Variants in SOD2 observed in about 807,000 individuals in gnomAD.
SOD2 encodes superoxide dismutase 2.
A neutral mutation model predicts 27.0 loss-of-function variants in SOD2; 11 were observed. That is an observed-to-expected ratio of 0.41 (90% CI 0.26 to 0.67). The LOEUF is 0.67. Ranked by LOEUF, SOD2 falls within the 30% of genes least tolerant of loss-of-function variation. The pLI, the probability that SOD2 is intolerant of heterozygous loss-of-function variation, is 0.34. For synonymous variants in SOD2, 105 were observed against 103.0 expected (o/e 1.02, Z -0.12); for missense variants, 250 against 274.5 (o/e 0.91, Z 0.63).
At position 159,681,770 on chromosome 6, in the gene SOD2, T is replaced by C. The variant is rs1779973112; in HGVS notation, c.*723A>G. 6.7e-6 allele frequency: 1 copy of C among 150,060 alleles called. No homozygotes were observed. Among genetic ancestry groups the C allele is most frequent in the African/African-American group, 2.5e-5 (1 of 40,012 alleles). 9.3% of individuals were successfully genotyped at this position (150,060 alleles called of 1,614,324 possible). On this transcript the variant is annotated 3_prime_UTR_variant, in exon 5 of 5. Coordinates refer to ENST00000538183, the MANE Select transcript of SOD2 (RefSeq NM_000636.4). ...ACCACTGCCTTTAAATACTCTAGCTTGTAGGTCATCATGGAGATTGGGTCT... is the reference window on the plus strand; with the variant it reads ...ACCACTGCCTTTAAATACTCTAGCTCGTAGGTCATCATGGAGATTGGGTCT...
intron 1 of SOD2, among the ~76,000 whole-genome samples, chr6:159,720,174 A>G (rs2842965): frequency 0.76 from 115,676 of 151,544 alleles, 44,532 homozygotes; most frequent in South Asian, 0.85. Context: ...GGGATTACAG[A>G]CGCCCGCCAC....
rs760314863 is a variant in SOD2, at chr6:159,681,323, G to A, written c.*1170C>T. On this transcript the variant is annotated 3_prime_UTR_variant, in exon 5 of 5. Transcript: ENST00000538183. Reference sequence around the variant, plus strand: ...TTTCAAACAATAGCCAGGGAAGTTAGAGTCACCTAGAGACATCCTTAACAC... The same window carrying A: ...TTTCAAACAATAGCCAGGGAAGTTAAAGTCACCTAGAGACATCCTTAACAC... 10 of 152,028 alleles carry A rather than the reference G, an allele frequency of 6.6e-5. No individual in the cohort carries two copies. The highest frequency in any genetic ancestry group is 2.0e-4 in the Admixed American group (3 of 15,244). 9.4% of individuals were successfully genotyped at this position (152,028 alleles called of 1,614,324 possible).
At chr6:159,698,099 T>C (rs1777457323), upstream of SOD2, among the ~76,000 whole-genome samples, 1 of 152,064 alleles carries the variant, frequency 6.6e-6, no homozygotes, top group Admixed American at 6.6e-5. Flanking sequence ...ATGGTGAAAC[T>C]CTGTCTTTAC....
chr6:159,750,729 AATTT>A (rs1779787668), intron 1 of SOD2, among the ~76,000 whole-genome samples: 1 of 152,200 alleles, frequency 6.6e-6, no homozygotes, highest in East Asian at 1.9e-4. Context: ...AAGGAATCAT[AATTT>A]ATTTGAATCA....
chr6:159,753,239 G>C (rs1360359101), intron 1 of SOD2: 3 of 568,128 alleles, frequency 5.3e-6, no homozygotes, highest in Non-Finnish European at 9.3e-6. Flanking sequence ...AGGTGTAGCT[G>C]TTTGGGCACT....
intron 1 of SOD2, among the ~76,000 whole-genome samples, chr6:159,701,416 C>T (rs538773410): frequency 1.2e-3 from 175 of 152,090 alleles, no homozygotes; most frequent in African/African-American, 4.0e-3. Flanking sequence ...TAAAAGGTCA[C>T]GGGACCAAGC....
upstream of SOD2, among the ~76,000 whole-genome samples, chr6:159,693,759 C>T (rs112270990): frequency 2.0e-5 from 3 of 152,366 alleles, no homozygotes; most frequent in African/African-American, 7.2e-5. Context: ...TGCTGGTCAG[C>T]GCCGCCCAGC....
rs922204346 is a variant in SOD2, at chr6:159,679,887, A to C, written c.*2606T>G. 6.6e-6 allele frequency: 1 copy of C among 152,214 alleles called. No homozygotes were observed. The highest frequency in any genetic ancestry group is 1.5e-5 in the Non-Finnish European group (1 of 68,044). The allele number at this position is 152,214 out of a possible 1,614,324, so 9.4% of individuals were successfully genotyped here. Reference sequence around the variant, plus strand: ...AGTGTTCTGCCTGCCTTGGCCTCCCAAAGTGCTGGGATTACAGATGTGAGT... The same window carrying C: ...AGTGTTCTGCCTGCCTTGGCCTCCCCAAGTGCTGGGATTACAGATGTGAGT... On this transcript the variant is annotated 3_prime_UTR_variant, in exon 5 of 5. Coordinates refer to ENST00000538183, the MANE Select transcript of SOD2 (RefSeq NM_000636.4).
At chr6:159,693,278 CG>C, upstream of SOD2, 2 of 1,007,858 alleles carry the variant, frequency 2.0e-6, no homozygotes, top group Non-Finnish European at 2.9e-6. Context: ...TAAGAAAGCG[CG>C]GGGAGCAGGG....
chr6:159,687,213 C>T (rs568346043), intron 3 of SOD2, among the ~76,000 whole-genome samples: 34 of 152,262 alleles, frequency 2.2e-4, no homozygotes, highest in African/African-American at 6.3e-4. Context: ...TAGACTGGCG[C>T]GGTGGCTCAC....
At chr6:159,697,770 TAGTA>T (rs1340159142), upstream of SOD2, among the ~76,000 whole-genome samples, 1 of 152,240 alleles carries the variant, frequency 6.6e-6, no homozygotes, top group South Asian at 2.1e-4. Flanking sequence ...AGCTAGTAGG[TAGTA>T]AGGGGGATAT....
At chr6:159,689,676 T>G (rs1238002377) in intron 2 of SOD2, among the ~76,000 whole-genome samples, 1 of 152,176 alleles carries the variant, frequency 6.6e-6, no homozygotes, top group Non-Finnish European at 1.5e-5. Context: ...AACATATGTC[T>G]GGGCCGGGTG....
At chr6:159,748,432 T>G, upstream of SOD2, 3 of 1,591,512 alleles carry the variant, frequency 1.9e-6, no homozygotes, top group Non-Finnish European at 2.6e-6. This position sits in a 1 kb window ranked among gnomAD's most constrained non-coding sequence, Gnocchi z 5.6. Context: ...AAAGCTGTGG[T>G]GGGACAGCCA....
chr6:159,757,055 G>T (rs1780025293), intron 1 of SOD2, among the ~76,000 whole-genome samples: 1 of 152,066 alleles, frequency 6.6e-6, no homozygotes, highest in Non-Finnish European at 1.5e-5. Flanking sequence ...ATGAGTAAGG[G>T]GTGTTAGAAT....
chr6:159,755,602 A>G (rs777183181), intron 1 of SOD2: 3 of 1,594,376 alleles, frequency 1.9e-6, no homozygotes, highest in African/African-American at 1.4e-5. Flanking sequence ...TACAGGGTTC[A>G]GTTTTGTAAT....
chr6:159,717,839 C>T (rs1777948781), intron 1 of SOD2, among the ~76,000 whole-genome samples: 1 of 151,752 alleles, frequency 6.6e-6, no homozygotes, highest in Non-Finnish European at 1.5e-5. Context: ...TGGCTTATTT[C>T]ACTTAATATA....
At chr6:159,717,667 C>G (rs971878929) in intron 1 of SOD2, among the ~76,000 whole-genome samples, 1 of 152,150 alleles carries the variant, frequency 6.6e-6, no homozygotes, top group African/African-American at 2.4e-5. Flanking sequence ...TTCCTCCCAT[C>G]TAGCTGTACT....
rs1452756434 is a variant in SOD2, at chr6:159,727,090, C to T, written c.-116+39G>A. 4.2e-6 allele frequency: 5 copies of T among 1,195,438 alleles called. No homozygotes were observed. In the East Asian group the frequency reaches 1.8e-4, roughly 42 times the overall value. The allele number at this position is 1,195,438 out of a possible 1,614,324, so 74.1% of individuals were successfully genotyped here. A position where few individuals can be genotyped will look rare whatever the true frequency, so the allele number is the denominator to read the frequency against. The stretch of plus-strand genomic sequence containing the variant: ...GTGATGCCCTGGGGCTGACCTCCGA[C>T]CTCGCTGGCCCGCCCCTCCCCTCGG... On this transcript the variant is annotated intron_variant, in intron 1 of 2. Coordinates refer to the SOD2 transcript ENST00000401980.
upstream of SOD2, chr6:159,748,954 G>A: frequency 4.6e-6 from 5 of 1,088,640 alleles, no homozygotes; most frequent in Non-Finnish European, 4.5e-6. This position sits in a 1 kb window ranked among gnomAD's most constrained non-coding sequence, Gnocchi z 5.6. Flanking sequence ...GCCTTTAAAG[G>A]GTTTATTTGC....
Sources: allele counts gnomAD v4.1 joint callset (sites outside exome capture counted in the v4.1 genomes callset), GRCh38; gene constraint gnomAD v4.1.1; non-coding constraint Gnocchi (gnomAD v3.1); transcripts MANE v1.5; gene names NCBI Gene and HGNC (gene_info 2026-07-23, HGNC 2026-07-21).